LUZP2: variants seen among roughly 807,000 people sequenced by gnomAD.
LUZP2 encodes the protein leucine zipper protein 2.
Under a neutral mutation model 51.6 loss-of-function variants are expected in LUZP2, and 52 were observed. The observed-to-expected ratio is 1.01, with a 90% CI of 0.81 to 1.27. The LOEUF (loss-of-function observed/expected upper bound fraction) is 1.27, where lower values mean the gene tolerates loss of function less well. Among genes scored for constraint, LUZP2 ranks in the 50% most tolerant of loss-of-function variants. The pLI, the probability that LUZP2 is intolerant of heterozygous loss-of-function variation, is 0.00. For synonymous variants in LUZP2, 154 were observed against 137.3 expected (o/e 1.12, Z -0.85); for missense variants, 436 against 395.4 (o/e 1.10, Z -0.87).
intron 5 of LUZP2, among the ~76,000 whole-genome samples, chr11:24,857,034 A>G (rs7932407): frequency 0.15 from 23,000 of 151,908 alleles, 1,899 homozygotes; most frequent in African/African-American, 0.2. Flanking sequence ...AGACCTCACC[A>G]CTATGCAATA....
At chr11:24,965,771 A>T (rs537270562) in intron 7 of LUZP2, among the ~76,000 whole-genome samples, 7 of 151,962 alleles carry the variant, frequency 4.6e-5, no homozygotes, top group Admixed American at 3.9e-4. Context: ...TAAAAAATAA[A>T]TATTAGGAAA....
At chr11:25,052,738 T>C (rs984317170) in intron 10 of LUZP2, among the ~76,000 whole-genome samples, 17 of 151,232 alleles carry the variant, frequency 1.1e-4, no homozygotes, top group African/African-American at 3.9e-4. Context: ...CCAAACTGAA[T>C]AAGAAGGCAG....
At chr11:24,767,635 A>T (rs1323497146) in intron 5 of LUZP2, among the ~76,000 whole-genome samples, 2 of 152,218 alleles carry the variant, frequency 1.3e-5, no homozygotes, top group African/African-American at 4.8e-5. Context: ...ATATGTTTGC[A>T]AATCAAGCAA....
chr11:24,735,384 G>A (rs1437965204), intron 3 of LUZP2, among the ~76,000 whole-genome samples: 1 of 151,872 alleles, frequency 6.6e-6, no homozygotes, highest in East Asian at 1.9e-4. Flanking sequence ...TAAGAAATAG[G>A]ACAGGACCCT....
At chr11:24,886,877 G>A (rs1016929738) in intron 5 of LUZP2, among the ~76,000 whole-genome samples, 1 of 152,156 alleles carries the variant, frequency 6.6e-6, no homozygotes, top group Admixed American at 6.5e-5. Flanking sequence ...CATCACACTG[G>A]TGATTAGTTT....
At chr11:24,714,426 T>C (rs1565094222) in intron 1 of LUZP2, among the ~76,000 whole-genome samples, 1 of 152,170 alleles carries the variant, frequency 6.6e-6, no homozygotes, top group South Asian at 2.1e-4. Flanking sequence ...TCCAGACATC[T>C]GAATCAATTG....
At chr11:24,517,492 A>AC (rs1342384153) in intron 1 of LUZP2, among the ~76,000 whole-genome samples, 2 of 131,516 alleles carry the variant, frequency 1.5e-5, no homozygotes, top group East Asian at 4.4e-4. Context: ...TCAAAAAAAA[A>AC]AAAAAAAAAA....
chr11:24,564,986 G>A (rs1261642733), intron 1 of LUZP2, among the ~76,000 whole-genome samples: 1 of 152,156 alleles, frequency 6.6e-6, no homozygotes, highest in Non-Finnish European at 1.5e-5. Flanking sequence ...AGTGATCCCA[G>A]ATTTGGGGAT....
intron 1 of LUZP2, among the ~76,000 whole-genome samples, chr11:24,646,326 T>A (rs1855460597): frequency 6.6e-6 from 1 of 152,084 alleles, no homozygotes; most frequent in African/African-American, 2.4e-5. Flanking sequence ...GTTCAAAATA[T>A]AAGAGAGTTT....
At chr11:24,658,253 C>G (rs1400441806) in intron 1 of LUZP2, among the ~76,000 whole-genome samples, 1 of 152,078 alleles carries the variant, frequency 6.6e-6, no homozygotes, top group Non-Finnish European at 1.5e-5. Flanking sequence ...CAGAACACAG[C>G]CCTCAGAAAT....
intron 5 of LUZP2, among the ~76,000 whole-genome samples, chr11:24,802,179 C>G (rs1849716585): frequency 6.6e-6 from 1 of 151,992 alleles, no homozygotes; most frequent in African/African-American, 2.4e-5. Context: ...AATATGCAGT[C>G]TATTATATCT....
intron 1 of LUZP2, among the ~76,000 whole-genome samples, chr11:24,631,093 G>A (rs138287113): frequency 1.3e-4 from 19 of 151,766 alleles, no homozygotes; most frequent in African/African-American, 4.3e-4. Context: ...AAAGTTTTCT[G>A]GTGCCATCTT....
At chr11:24,623,323 G>T (rs892927576) in intron 1 of LUZP2, among the ~76,000 whole-genome samples, 2 of 152,132 alleles carry the variant, frequency 1.3e-5, no homozygotes, top group African/African-American at 4.8e-5. Context: ...AATAAAATCA[G>T]AATTACTTGA....
chr11:25,077,009 G>A (rs1235721211), intron 10 of LUZP2, among the ~76,000 whole-genome samples: 1 of 152,080 alleles, frequency 6.6e-6, no homozygotes, highest in Non-Finnish European at 1.5e-5. Flanking sequence ...TGGATGCATT[G>A]TAGACATAGT....
intron 5 of LUZP2, among the ~76,000 whole-genome samples, chr11:24,855,823 A>T (rs1426136192): frequency 6.6e-6 from 1 of 152,142 alleles, no homozygotes. Context: ...ACAGCAAACT[A>T]ATGTTTGACA....
intron 10 of LUZP2, among the ~76,000 whole-genome samples, chr11:25,056,393 T>C (rs1460652887): frequency 6.6e-6 from 1 of 152,114 alleles, no homozygotes; most frequent in Non-Finnish European, 1.5e-5. Context: ...CAGGATTCTA[T>C]AATTATCAGC....
chr11:25,027,719 A>T (rs1246880263), intron 9 of LUZP2, among the ~76,000 whole-genome samples: 1 of 152,030 alleles, frequency 6.6e-6, no homozygotes, highest in Non-Finnish European at 1.5e-5. Context: ...AAAATAAAAA[A>T]ATTAGCCGGG....
chr11:24,700,056 CTTTTTT>C lies in LUZP2; in HGVS notation c.63-29095_63-29090del, dbSNP rs762849302. ...ATTACTCTATGCCTATTTTCCTCAACTTTTTTTTTTTTTTTTTTTTTTTGAGATGGA... is the reference window on the plus strand; with the variant it reads ...ATTACTCTATGCCTATTTTCCTCAACTTTTTTTTTTTTTTTTTGAGATGGA... On this transcript the variant is annotated intron_variant, in intron 1 of 11. Transcript: ENST00000336930. Among the ~76,000 whole-genome samples the C allele has an allele frequency of 2.4e-4, 23 of 95,982 alleles. No individual in the cohort carries two copies. The East Asian group carries it at 4.8e-3, about 20-fold the overall frequency. 63.0% of individuals were successfully genotyped at this position (95,982 alleles called of 152,430 possible). A position where few individuals can be genotyped will look rare whatever the true frequency, so the allele number is the denominator to read the frequency against.
chr11:24,506,535 T>C (rs1050561894), intron 1 of LUZP2, among the ~76,000 whole-genome samples: 1 of 152,098 alleles, frequency 6.6e-6, no homozygotes, highest in Non-Finnish European at 1.5e-5. Flanking sequence ...TTTCTTTTTC[T>C]GACATGACAG....
Sources: gnomAD v4.1 joint callset for allele counts (sites outside exome capture counted in the v4.1 genomes callset) on GRCh38, gnomAD v4.1.1 for gene constraint, MANE v1.5 for transcripts, NCBI Gene and HGNC (gene_info 2026-07-23, HGNC 2026-07-21) for gene names.